COPS7B: variants seen among roughly 807,000 people sequenced by gnomAD.
COPS7B encodes the protein COP9 signalosome complex subunit 7b.
COPS7B carries 9 observed loss-of-function variants against 33.4 expected under a neutral mutation model. The observed-to-expected ratio is 0.27, with a 90% confidence interval of 0.16 to 0.47. COPS7B has a LOEUF of 0.47. Ranked by LOEUF, COPS7B falls within the 20% of genes least tolerant of loss-of-function variation. The pLI is 0.99. For missense variants in COPS7B, 242 were observed against 318.2 expected (o/e 0.76, Z 1.82); for synonymous variants, 119 against 126.3 (o/e 0.94, Z 0.39).
intron 1 of COPS7B, 97 bp downstream of exon 1, chr2:231,786,635 G>A (rs2049253001): frequency 2.7e-5 from 14 of 522,660 alleles, no homozygotes; most frequent in Non-Finnish European, 3.2e-5. Flanking sequence ...GCCCGCGGCC[G>A]TGCCCGCCCC....
At chr2:231,782,977 G>A (rs973870029), upstream of COPS7B, among the ~76,000 whole-genome samples, 4 of 152,090 alleles carry the variant, frequency 2.6e-5, no homozygotes. Context: ...CTTACATATT[G>A]AGATAATCAC....
At chr2:231,801,941 A>C (rs2049761656) in intron 6 of COPS7B, among the ~76,000 whole-genome samples, 1 of 151,736 alleles carries the variant, frequency 6.6e-6, no homozygotes, top group African/African-American at 2.4e-5. Context: ...CGCCCAGCTA[A>C]TTTTTGTATT....
Position 231,807,719 on chromosome 2 carries a change from CCT to C in COPS7B, c.*79_*80del, listed in dbSNP as rs1188060781. 2 of 1,368,526 alleles carry C rather than the reference CCT, an allele frequency of 1.5e-6. No individual in the cohort carries two copies. The highest frequency in any genetic ancestry group is 2.9e-5 in the African/African-American group (2 of 68,008). 84.8% of individuals were successfully genotyped at this position (1,368,526 alleles called of 1,614,324 possible). A position where few individuals can be genotyped will look rare whatever the true frequency, so the allele number is the denominator to read the frequency against. On this transcript the variant is annotated 3_prime_UTR_variant, in exon 7 of 7. Coordinates refer to ENST00000350033, the MANE Select transcript of COPS7B (RefSeq NM_022730.4). ...GGGACACCAAGGGCCCATTTCCTCC[CCT>C]CTCTACCTGCAGTGAGTTCCAGACC...
intron 5 of COPS7B, among the ~76,000 whole-genome samples, chr2:231,798,386 A>G (rs908305955): frequency 6.7e-6 from 1 of 149,306 alleles, no homozygotes; most frequent in Non-Finnish European, 1.5e-5. Flanking sequence ...CCTCCCAAGT[A>G]GCTGGGATTA....
At chr2:231,788,445 T>C in intron 1 of COPS7B, 110 bp from the exon 2 acceptor site, 1 of 1,068,912 alleles carries the variant, frequency 9.4e-7, no homozygotes, top group Non-Finnish European at 1.3e-6. Context: ...CTGTTTTTTC[T>C]TTATCAACAC....
intron 5 of COPS7B, among the ~76,000 whole-genome samples, chr2:231,796,593 G>A (rs1185663828): frequency 6.6e-6 from 1 of 152,218 alleles, no homozygotes; most frequent in Non-Finnish European, 1.5e-5. Flanking sequence ...AGCAGGTGGA[G>A]CCTATGTGTC....
intron 4 of COPS7B, among the ~76,000 whole-genome samples, chr2:231,794,885 T>C (rs919115233): frequency 5.7e-4 from 87 of 151,834 alleles, no homozygotes; most frequent in African/African-American, 2.0e-3. Context: ...CCCAAGTAGC[T>C]GGGATTACAG....
chr2:231,808,349 TC>T lies in COPS7B; in HGVS notation c.*706del. On this transcript the variant is annotated 3_prime_UTR_variant, in exon 7 of 7. Transcript: ENST00000350033. ...CTGCTGGGTGGCAGAAATGGTTCCT[TC>T]CGGCTTGGCGTTCTCTCCTGGCCAC... 2.3e-6 allele frequency: 1 copy of T among 438,552 alleles called. No individual in the cohort carries two copies. Among genetic ancestry groups the T allele is most frequent in the South Asian group, 1.7e-5 (1 of 58,356 alleles). 27.2% of individuals were successfully genotyped at this position (438,552 alleles called of 1,614,324 possible). A position where few individuals can be genotyped will look rare whatever the true frequency, so the allele number is the denominator to read the frequency against.
At chr2:231,806,811 G>A (rs1457573708) in intron 6 of COPS7B, among the ~76,000 whole-genome samples, 1 of 152,104 alleles carries the variant, frequency 6.6e-6, no homozygotes, top group Non-Finnish European at 1.5e-5. Context: ...AAACATAAAG[G>A]GCTGTTCAGA....
At chr2:231,792,924 A>G (rs1320043693) in intron 3 of COPS7B, among the ~76,000 whole-genome samples, 2 of 152,120 alleles carry the variant, frequency 1.3e-5, no homozygotes, top group East Asian at 1.9e-4. Flanking sequence ...TGCTGCTGTC[A>G]GACTGGACAG....
At chr2:231,805,431 A>ATATT (rs1491440263) in intron 6 of COPS7B, among the ~76,000 whole-genome samples, 6 of 118,826 alleles carry the variant, frequency 5.0e-5, no homozygotes, top group African/African-American at 1.8e-4. Flanking sequence ...ATATATATAT[A>ATATT]TTTTTTTTTA....
In COPS7B at chr2:231,808,833, GTGTGTGTGTT is replaced by G. The variant is rs1335015952; in HGVS notation, c.*1192_*1201del. 2.5e-3 allele frequency: 628 copies of G among 249,638 alleles called. 10 individuals are homozygous for G. The highest frequency in any genetic ancestry group is 3.7e-3 in the Non-Finnish European group (476 of 127,692). The allele number at this position is 249,638 out of a possible 1,614,324, so 15.5% of individuals were successfully genotyped here. ...TGTGTGTGTGTGTGTGTGTGTGTGT[GTGTGTGTGTT>G]TGTAGGTCCTGGACTGATTAAAGTT... On this transcript the variant is annotated 3_prime_UTR_variant, in exon 7 of 7. Coordinates refer to ENST00000350033, the MANE Select transcript of COPS7B (RefSeq NM_022730.4).
intron 6 of COPS7B, among the ~76,000 whole-genome samples, chr2:231,801,516 G>A (rs557229234): frequency 6.6e-6 from 1 of 152,040 alleles, no homozygotes; most frequent in East Asian, 1.9e-4. Flanking sequence ...AACACAGCTC[G>A]CTGCACCCTC....
intron 6 of COPS7B, among the ~76,000 whole-genome samples, chr2:231,802,615 G>T (rs1302860535): frequency 2.6e-5 from 4 of 152,234 alleles, no homozygotes; most frequent in African/African-American, 4.8e-5. Context: ...CTGTGGTGAT[G>T]ATATTTGTTG....
chr2:231,791,052 A>AAACAAC (rs752595695), intron 2 of COPS7B: 17 of 154,674 alleles, frequency 1.1e-4, no homozygotes, highest in African/African-American at 2.6e-4. Flanking sequence ...TTTGTGATTT[A>AAACAAC]AACAACAACA....
intron 6 of COPS7B, among the ~76,000 whole-genome samples, chr2:231,800,332 C>T (rs1387912260): frequency 6.6e-6 from 1 of 152,192 alleles, no homozygotes; most frequent in Non-Finnish European, 1.5e-5. Flanking sequence ...TGTGCAACAA[C>T]CCTCTTGATG....
At chr2:231,797,121 A>G (rs2049594420) in intron 5 of COPS7B, among the ~76,000 whole-genome samples, 1 of 152,192 alleles carries the variant, frequency 6.6e-6, no homozygotes, top group Non-Finnish European at 1.5e-5. Flanking sequence ...GGCACGTGGC[A>G]TGTTGGAAGC....
At position 231,794,364 on chromosome 2, in the gene COPS7B, G is replaced by C; in HGVS notation, c.327+13G>C. On this transcript the variant is annotated intron_variant, in intron 4 of 6. Transcript: ENST00000350033. ...ATCAAGAATGAAGGTACGGTACTGAGCCTTCTCTTGTCTTCCTCCTTACCC... is the reference window on the plus strand; with the variant it reads ...ATCAAGAATGAAGGTACGGTACTGACCCTTCTCTTGTCTTCCTCCTTACCC... The C allele has an allele frequency of 4.4e-6, 7 of 1,604,038 alleles. No individual in the cohort carries two copies. In the Admixed American group the frequency reaches 1.2e-4, roughly 27 times the overall value.
chr2:231,795,034 C>T (rs1450274335), intron 4 of COPS7B, among the ~76,000 whole-genome samples: 1 of 151,880 alleles, frequency 6.6e-6, no homozygotes, highest in Non-Finnish European at 1.5e-5. Context: ...ATTCTCCTGC[C>T]TCAGCCTCCC....
Sources: gnomAD v4.1 joint callset for allele counts (sites outside exome capture counted in the v4.1 genomes callset) on GRCh38, gnomAD v4.1.1 for gene constraint, MANE v1.5 for transcripts, NCBI Gene and HGNC (gene_info 2026-07-23, HGNC 2026-07-21) for gene names.